EHMT1: variants seen among roughly 807,000 people sequenced by gnomAD.
EHMT1 encodes the protein euchromatic histone lysine methyltransferase 1, also known as histone-lysine N-methyltransferase EHMT1.
A neutral mutation model predicts 147.2 loss-of-function variants in EHMT1; 15 were observed. That is an observed-to-expected ratio of 0.10 (90% CI 0.07 to 0.16). The LOEUF is 0.16. EHMT1 is among the 10% of genes least tolerant of loss of function. The pLI, the probability that EHMT1 is intolerant of heterozygous loss-of-function variation, is 1.00. For synonymous variants in EHMT1, 795 were observed against 709.6 expected (o/e 1.12, Z -1.91); for missense variants, 1,587 against 1,772.4 (o/e 0.90, Z 1.88).
intron 3 of EHMT1, 21 bp from the exon 4 acceptor site, chr9:137,728,328 T>C (rs750139659): frequency 6.2e-7 from 1 of 1,614,224 alleles, no homozygotes; most frequent in Non-Finnish European, 8.5e-7. Context: ...GTTATAGTTA[T>C]TCACTGTCTT....
intron 4 of EHMT1, among the ~76,000 whole-genome samples, chr9:137,729,317 G>T (rs1466354786): frequency 6.6e-6 from 1 of 152,180 alleles, no homozygotes; most frequent in East Asian, 1.9e-4. Context: ...GGCCAGGCAC[G>T]GTGGCTCACG....
rs1373744231 is a variant in EHMT1 at position 137,716,843 on chromosome 9, A to G, written c.303A>G (p.Ser101=). The G allele has an allele frequency of 6.2e-7, 1 of 1,613,214 alleles. No individual in the cohort carries two copies. The highest frequency in any genetic ancestry group is 2.2e-5 in the East Asian group (1 of 44,902). ...AAAATGGGGTTTCAGAAAGAGACTC[A>G]GAAGCGGCGAAGCAAAACCACGTCA... is the stretch of plus-strand genomic sequence containing the variant. ...IAENGVSERD[S]EAAKQNHVTA... The change falls in exon 3 of 27, where the codon TCA becomes TCG. Residue 101 remains serine (S), a synonymous_variant. Coordinates refer to ENST00000460843, the MANE Select transcript of EHMT1 (RefSeq NM_024757.5).
At chr9:137,632,880 T>C (rs563538324) in intron 1 of EHMT1, among the ~76,000 whole-genome samples, 1 of 152,328 alleles carries the variant, frequency 6.6e-6, no homozygotes. Context: ...TTCTCGTCCT[T>C]GCAATAAGGG....
In EHMT1 at chr9:137,775,390, CCA is replaced by C; in HGVS notation, c.1791+139_1791+140del. On this transcript the variant is annotated intron_variant, in intron 11 of 26. Coordinates refer to ENST00000460843, the MANE Select transcript of EHMT1 (RefSeq NM_024757.5). The surrounding 1 kb of genome is among the most constrained non-coding windows in gnomAD (Gnocchi z 6.1). ...AGGTCTGGTGTCCGTCTGGAGGTCT[CCA>C]GTGTTCACAAGCCCCTCACCACCCC... The C allele has an allele frequency of 7.7e-7, 1 of 1,300,226 alleles. No individual in the cohort carries two copies. The highest frequency in any genetic ancestry group is 1.1e-6 in the Non-Finnish European group (1 of 942,286). The allele number at this position is 1,300,226 out of a possible 1,614,324, so 80.5% of individuals were successfully genotyped here.
intron 1 of EHMT1, chr9:137,641,394 G>T: frequency 1.9e-6 from 1 of 528,996 alleles, no homozygotes; most frequent in South Asian, 1.4e-5. Flanking sequence ...TCTGTAACCT[G>T]ATTTAATATC....
intron 6 of EHMT1, among the ~76,000 whole-genome samples, chr9:137,751,095 C>A (rs1258720075): frequency 6.6e-6 from 1 of 152,178 alleles, no homozygotes; most frequent in Non-Finnish European, 1.5e-5. Context: ...ACATATCTTA[C>A]TGTGGCTATT....
intron 1 of EHMT1, among the ~76,000 whole-genome samples, chr9:137,698,895 T>A (rs1251186720): frequency 6.6e-6 from 1 of 152,128 alleles, no homozygotes; most frequent in Non-Finnish European, 1.5e-5. Context: ...AAGGGCAGTG[T>A]CTCAGTTTCT....
chr9:137,644,169 G>A (rs929082124), intron 1 of EHMT1, among the ~76,000 whole-genome samples: 2 of 152,172 alleles, frequency 1.3e-5, no homozygotes, highest in African/African-American at 2.4e-5. Context: ...CCCACCAAGA[G>A]GCCCATACGT....
At chr9:137,685,546 C>T (rs977196105) in intron 1 of EHMT1, among the ~76,000 whole-genome samples, 6 of 152,166 alleles carry the variant, frequency 3.9e-5, no homozygotes, top group South Asian at 2.1e-4. Context: ...CATGTATATG[C>T]GAGTATCTGT....
intron 25 of EHMT1, among the ~76,000 whole-genome samples, chr9:137,825,412 C>G (rs969727909): frequency 6.6e-6 from 1 of 152,202 alleles, no homozygotes; most frequent in Non-Finnish European, 1.5e-5. Flanking sequence ...AATCACATGC[C>G]ATCTGGCCTT....
intron 25 of EHMT1, chr9:137,823,415 ATT>A (rs34191568): frequency 0.033 from 10,388 of 318,122 alleles, no homozygotes; most frequent in South Asian, 0.048. Context: ...CGCCTGGGTA[ATT>A]TTTTTTTTTT....
chr9:137,763,068 T>TG, intron 10 of EHMT1: 1 of 611,860 alleles, frequency 1.6e-6, no homozygotes, highest in South Asian at 2.0e-5. Context: ...AATGGCCTGT[T>TG]GTATTTCTTT....
At chr9:137,709,944 T>G (rs1944553386) in intron 1 of EHMT1, among the ~76,000 whole-genome samples, 2 of 152,130 alleles carry the variant, frequency 1.3e-5, no homozygotes, top group African/African-American at 2.4e-5. Context: ...AGCTCCCACT[T>G]GCAGTCTGGC....
At chr9:137,691,378 G>A (rs10780182) in intron 1 of EHMT1, among the ~76,000 whole-genome samples, 33,467 of 149,050 alleles carry the variant, frequency 0.22, 4,102 homozygotes, top group Admixed American at 0.33. Flanking sequence ...GAGTTTCTCT[G>A]TGTTGCCTAG....
Position 137,818,072 on chromosome 9 carries a change from G to A in EHMT1, c.3474G>A (p.Glu1158=). The A allele has an allele frequency of 6.2e-7, 1 of 1,614,206 alleles. No homozygotes were observed. Among genetic ancestry groups the A allele is most frequent in the Non-Finnish European group, 8.5e-7 (1 of 1,180,040 alleles). The part of the protein sequence containing the change: ...PGTFVCEYVG[E]LISDSEADVR... ...GCACCCTCTGCAGGTATGTTGGGGA[G>A]CTGATTTCAGACTCAGAAGCCGACG... Residue 1158 remains glutamate, a synonymous_variant, in exon 25 of 27, where the codon GAG becomes GAA. Transcript: ENST00000460843.
chr9:137,713,263 A>ATTTTTTTTT (rs59459382), intron 2 of EHMT1, among the ~76,000 whole-genome samples: 3 of 102,354 alleles, frequency 2.9e-5, no homozygotes, highest in Non-Finnish European at 4.1e-5. Context: ...CACCATGCTA[A>ATTTTTTTTT]TTTTTTTTTT....
intron 18 of EHMT1, chr9:137,802,647 C>T (rs1953592530): frequency 4.6e-6 from 2 of 433,430 alleles, no homozygotes; most frequent in East Asian, 7.1e-5. Flanking sequence ...CATTTGGAAC[C>T]CCTCGCTGCA....
chr9:137,735,957 A>G (rs1332268408), intron 4 of EHMT1, among the ~76,000 whole-genome samples: 3 of 152,246 alleles, frequency 2.0e-5, no homozygotes, highest in Non-Finnish European at 4.4e-5. Context: ...CACCAGACTC[A>G]GGAGACAAAT....
At position 137,740,976 on chromosome 9, in the gene EHMT1, A is replaced by ATTT. The variant is rs1167049276; in HGVS notation, c.824-2387_824-2385dup. ...AGCCACTGCACTGGGCCCCGACATG[A>ATTT]TTTTTTTTTTGTTTGTTTGAGACAG... On this transcript the variant is annotated intron_variant, in intron 4 of 26. Transcript: ENST00000460843. Among the ~76,000 whole-genome samples, 51 of 119,496 alleles carry ATTT rather than the reference A, an allele frequency of 4.3e-4. 4 individuals carry two copies. The highest frequency in any genetic ancestry group is 1.6e-3 in the African/African-American group (48 of 30,848). The allele number at this position is 119,496 out of a possible 152,430, so 78.4% of individuals were successfully genotyped here. A position where few individuals can be genotyped will look rare whatever the true frequency, so the allele number is the denominator to read the frequency against.
Sources: allele counts gnomAD v4.1 joint callset (sites outside exome capture counted in the v4.1 genomes callset), GRCh38; gene constraint gnomAD v4.1.1; non-coding constraint Gnocchi (gnomAD v3.1); transcripts MANE v1.5; gene names NCBI Gene and HGNC (gene_info 2026-07-23, HGNC 2026-07-21).